Variants in LRP1B observed in about 807,000 individuals in gnomAD.
The protein encoded by LRP1B is LDL receptor related protein 1B, also known as low-density lipoprotein receptor-related protein 1B.
LRP1B carries 217 observed loss-of-function variants against 556.6 expected under a neutral mutation model. The ratio of observed to expected loss-of-function variants is 0.39; its 90% CI spans 0.35 to 0.44. The LOEUF (loss-of-function observed/expected upper bound fraction) is 0.44, where lower values mean the gene tolerates loss of function less well. LRP1B is among the 20% of genes least tolerant of loss of function. LRP1B has a pLI of 1.00. For missense variants in LRP1B, 5,053 were observed against 5,620.8 expected (o/e 0.90, Z 3.23); for synonymous variants, 2,047 against 1,865.8 (o/e 1.10, Z -2.50).
At chr2:141,675,147 A>G (rs1690826923) in intron 2 of LRP1B, among the ~76,000 whole-genome samples, 1 of 151,916 alleles carries the variant, frequency 6.6e-6, no homozygotes, top group Non-Finnish European at 1.5e-5. Context: ...TATATTAATA[A>G]TATTAAGACA....
At chr2:142,094,776 C>T (rs1323059012) in intron 1 of LRP1B, among the ~76,000 whole-genome samples, 1 of 151,408 alleles carries the variant, frequency 6.6e-6, no homozygotes, top group Non-Finnish European at 1.5e-5. Flanking sequence ...TAAATGAAAC[C>T]AAATATATTC....
chr2:141,102,075 G>T (rs1309412460), intron 7 of LRP1B, among the ~76,000 whole-genome samples: 1 of 152,058 alleles, frequency 6.6e-6, no homozygotes, highest in African/African-American at 2.4e-5. Flanking sequence ...AGAAATCAAA[G>T]CTACATTTTA....
rs750194496 is a variant in LRP1B at position 140,867,669 on chromosome 2, C to G, written c.4500G>C (p.Gly1500=). The change falls in exon 27 of 91, where the codon GGG becomes GGC. Residue 1500 remains glycine, a synonymous_variant. Coordinates refer to ENST00000389484, the MANE Select transcript of LRP1B (RefSeq NM_018557.3). ...TTTTCTGAATCACACTGACATTCTG[C>G]CCTGTCCACTTATTGGCTTTGGACA... ...NTLSKANKWT[G]QNVSVIQKTS... 1 of 1,613,590 alleles carries G rather than the reference C, an allele frequency of 6.2e-7. No homozygotes were observed. Among genetic ancestry groups the G allele is most frequent in the Non-Finnish European group, 8.5e-7 (1 of 1,179,666 alleles).
chr2:142,053,111 CAG>C (rs1420791719), intron 1 of LRP1B, among the ~76,000 whole-genome samples: 11 of 152,018 alleles, frequency 7.2e-5, no homozygotes, highest in Non-Finnish European at 4.4e-5. Flanking sequence ...CAATGAGAAA[CAG>C]TGCAAAAAGT....
chr2:140,583,073 A>C (rs905673758), intron 43 of LRP1B, among the ~76,000 whole-genome samples: 1 of 151,906 alleles, frequency 6.6e-6, no homozygotes, highest in African/African-American at 2.4e-5. Flanking sequence ...CAGTAGCTAC[A>C]TCAGTGGTCA....
At position 140,247,066 on chromosome 2, in the gene LRP1B, T is replaced by C. The variant is rs1290681339; in HGVS notation, c.13324+20A>G. The C allele has an allele frequency of 5.1e-6, 8 of 1,583,128 alleles. No homozygotes were observed. Among genetic ancestry groups the C allele is most frequent in the Non-Finnish European group, 6.9e-6 (8 of 1,153,876 alleles). On this transcript the variant is annotated intron_variant, in intron 87 of 90. Coordinates refer to ENST00000389484, the MANE Select transcript of LRP1B (RefSeq NM_018557.3). ...TATATACAGTGTAGATTACCCAAAA[T>C]ATTAATCTGAGAAACTTACTTGTGC...
At chr2:140,565,848 G>A (rs914858305) in intron 43 of LRP1B, among the ~76,000 whole-genome samples, 1 of 152,088 alleles carries the variant, frequency 6.6e-6, no homozygotes, top group Admixed American at 6.5e-5. Flanking sequence ...ACTTCTCCCA[G>A]TGGGGAAAAG....
At chr2:140,762,638 G>C (rs949011338) in intron 35 of LRP1B, among the ~76,000 whole-genome samples, 7 of 151,874 alleles carry the variant, frequency 4.6e-5, no homozygotes, top group African/African-American at 1.7e-4. Flanking sequence ...CTTAAAGTTT[G>C]AAAATGATCC....
intron 84 of LRP1B, among the ~76,000 whole-genome samples, chr2:140,282,993 G>A (rs917966221): frequency 1.1e-4 from 16 of 151,634 alleles, no homozygotes; most frequent in Admixed American, 8.6e-4. Context: ...ATCTAATTTC[G>A]GATGAGGACA....
intron 23 of LRP1B, among the ~76,000 whole-genome samples, chr2:140,893,863 C>T (rs1174987287): frequency 6.6e-6 from 1 of 152,148 alleles, no homozygotes; most frequent in Non-Finnish European, 1.5e-5. Flanking sequence ...CATGCATATA[C>T]TATCATTACT....
intron 18 of LRP1B, among the ~76,000 whole-genome samples, chr2:140,974,796 A>G (rs1459501048): frequency 6.6e-6 from 1 of 152,206 alleles, no homozygotes; most frequent in Non-Finnish European, 1.5e-5. Flanking sequence ...TTCATATAAT[A>G]GGGGAGTACT....
intron 43 of LRP1B, among the ~76,000 whole-genome samples, chr2:140,587,204 C>G (rs1000462996): frequency 1.3e-4 from 20 of 151,986 alleles, no homozygotes; most frequent in Non-Finnish European, 2.5e-4. Context: ...GAACGAAGCT[C>G]CAGTGACCTG....
intron 72 of LRP1B, among the ~76,000 whole-genome samples, chr2:140,359,774 C>T (rs183724889): frequency 6.6e-6 from 1 of 151,664 alleles, no homozygotes; most frequent in African/African-American, 2.4e-5. Flanking sequence ...AGGACATCCC[C>T]TCAATAGTTT....
intron 1 of LRP1B, among the ~76,000 whole-genome samples, chr2:141,986,132 T>G (rs1475048590): frequency 6.6e-6 from 1 of 151,954 alleles, no homozygotes; most frequent in Non-Finnish European, 1.5e-5. Context: ...ATTCTTATTA[T>G]GTTTTTTCAT....
intron 1 of LRP1B, among the ~76,000 whole-genome samples, chr2:142,124,035 G>GT (rs202186553): frequency 0.022 from 3,259 of 151,292 alleles, 75 homozygotes; most frequent in Non-Finnish European, 0.032. Context: ...AGAAAAACAT[G>GT]TTTTTTTTAA....
At chr2:141,821,257 G>A (rs1696743076) in intron 1 of LRP1B, among the ~76,000 whole-genome samples, 1 of 152,172 alleles carries the variant, frequency 6.6e-6, no homozygotes, top group Non-Finnish European at 1.5e-5. Context: ...TGTTACGATA[G>A]CAAAGAGAGA....
intron 83 of LRP1B, among the ~76,000 whole-genome samples, chr2:140,306,953 G>A (rs993955968): frequency 7.9e-5 from 12 of 151,856 alleles, no homozygotes; most frequent in African/African-American, 2.7e-4. Context: ...ATATTATTAA[G>A]GTCTATATTT....
chr2:140,774,536 C>T (rs1167460578), intron 33 of LRP1B, among the ~76,000 whole-genome samples: 2 of 152,074 alleles, frequency 1.3e-5, no homozygotes, highest in African/African-American at 4.8e-5. Context: ...TTTTTAAATG[C>T]TCTGTTTGGA....
intron 27 of LRP1B, among the ~76,000 whole-genome samples, chr2:140,855,447 G>T (rs1268215971): frequency 6.9e-6 from 1 of 144,306 alleles, no homozygotes; most frequent in African/African-American, 2.6e-5. Flanking sequence ...AAGCCCAGTA[G>T]CTAGAGACCA....
Sources: allele counts gnomAD v4.1 joint callset (sites outside exome capture counted in the v4.1 genomes callset), GRCh38; gene constraint gnomAD v4.1.1; transcripts MANE v1.5; gene names NCBI Gene and HGNC (gene_info 2026-07-23, HGNC 2026-07-21).